DYNC1H1: variants seen among roughly 807,000 people sequenced by gnomAD.
DYNC1H1 encodes the protein cytoplasmic dynein 1 heavy chain 1.
Under a neutral mutation model 527.1 loss-of-function variants are expected in DYNC1H1, and 51 were observed. That is an observed-to-expected ratio of 0.10 (90% confidence interval 0.08 to 0.12). The LOEUF (loss-of-function observed/expected upper bound fraction) is 0.12, where lower values mean the gene tolerates loss of function less well. Ranked by LOEUF, DYNC1H1 falls within the 10% of genes least tolerant of loss-of-function variation. DYNC1H1 has a pLI of 1.00. For missense variants in DYNC1H1, 2,771 were observed against 5,971.8 expected, an observed-to-expected ratio of 0.46 and a Z score of 17.66; for synonymous variants, 2,189 against 2,278.8, an observed-to-expected ratio of 0.96 and a Z score of 1.12.
chr14:101,986,463 A>C lies in DYNC1H1; in HGVS notation c.2238A>C (p.Leu746=). 1 of 1,614,180 alleles carries C rather than the reference A, an allele frequency of 6.2e-7. No individual in the cohort carries two copies. The highest frequency in any genetic ancestry group is 1.1e-5 in the South Asian group (1 of 91,084). Residue 746 remains leucine (L), a synonymous_variant, in exon 8 of 78, where the codon CTA becomes CTC. Coordinates refer to ENST00000360184, the MANE Select transcript of DYNC1H1 (RefSeq NM_001376.5). This position sits in a 1 kb window ranked among gnomAD's most constrained non-coding sequence, Gnocchi z 8.7. ...KVNFLPEIIT[L]SKEVRNLKWL... ...ACTTTCTTCCTGAGATTATCACACT[A>C]TCCAAAGAAGTCCGGAACCTCAAAT...
Position 102,041,451 on chromosome 14 carries a change from G to A in DYNC1H1, c.11942-123G>A. 5 of 1,513,182 alleles carry A rather than the reference G, an allele frequency of 3.3e-6. No homozygotes were observed. The South Asian group carries it at 5.7e-5, about 17-fold the overall frequency. 93.7% of individuals were successfully genotyped at this position (1,513,182 alleles called of 1,614,324 possible). On this transcript the variant is annotated intron_variant, in intron 64 of 77. Transcript: ENST00000360184. The surrounding 1 kb of genome is among the most constrained non-coding windows in gnomAD (Gnocchi z 4.5). The stretch of plus-strand genomic sequence containing the variant: ...CAGATGTGGCTGAATTTCCTGATTT[G>A]AGCTGATCCTGAAATGCTGAGCATT...
intron 10 of DYNC1H1, among the ~76,000 whole-genome samples, chr14:101,989,415 G>A (rs576524088): frequency 1.3e-5 from 2 of 152,148 alleles, no homozygotes; most frequent in East Asian, 1.9e-4. Context: ...TGTGCCTCCC[G>A]AGCCATCTCT....
rs2048824383 is a variant in DYNC1H1 at position 102,052,434 on chromosome 14, C to G, written c.*1871C>G. ...AAGTGTGAGCCACCACACCCAGCCCCTAAAAACATTTATGTGCATCGACAT... is the reference window on the plus strand; with the variant it reads ...AAGTGTGAGCCACCACACCCAGCCCGTAAAAACATTTATGTGCATCGACAT... On this transcript the variant is annotated 3_prime_UTR_variant, in exon 78 of 78. Coordinates refer to ENST00000360184, the MANE Select transcript of DYNC1H1 (RefSeq NM_001376.5). 6.6e-6 allele frequency: 1 copy of G among 152,322 alleles called. No homozygotes were observed. Among genetic ancestry groups the G allele is most frequent in the Admixed American group, 6.5e-5 (1 of 15,270 alleles). The allele number at this position is 152,322 out of a possible 1,614,324, so 9.4% of individuals were successfully genotyped here. A position where few individuals can be genotyped will look rare whatever the true frequency, so the allele number is the denominator to read the frequency against.
In DYNC1H1 at chr14:101,988,580, A is replaced by G. The variant is rs147182117; in HGVS notation, c.2719-123A>G. The G allele has an allele frequency of 8.0e-5, 100 of 1,255,172 alleles. No homozygotes were observed. The African/African-American group carries it at 1.4e-3, about 17-fold the overall frequency. The allele number at this position is 1,255,172 out of a possible 1,614,324, so 77.8% of individuals were successfully genotyped here. A position where few individuals can be genotyped will look rare whatever the true frequency, so the allele number is the denominator to read the frequency against. ...AAAGTGAGATTCTGAGAAGAGAGATATGAAGGCTTCTAGTCCGGAACTGTG... is the reference window on the plus strand; with the variant it reads ...AAAGTGAGATTCTGAGAAGAGAGATGTGAAGGCTTCTAGTCCGGAACTGTG... On this transcript the variant is annotated intron_variant, in intron 9 of 77. Transcript: ENST00000360184.
chr14:101,970,722 A>G (rs2141263356), intron 1 of DYNC1H1, among the ~76,000 whole-genome samples: 1 of 152,064 alleles, frequency 6.6e-6, no homozygotes, highest in Admixed American at 6.6e-5. Context: ...ACCTCAGGTG[A>G]TCCGCCCGCC....
At position 102,042,021 on chromosome 14, in the gene DYNC1H1, C is replaced by T; in HGVS notation, c.12111C>T (p.Pro4037=). Residue 4037 remains proline (P), a synonymous_variant, in exon 66 of 78, where the codon CCC becomes CCT. Coordinates refer to ENST00000360184, the MANE Select transcript of DYNC1H1 (RefSeq NM_001376.5). The surrounding 1 kb of genome is among the most constrained non-coding windows in gnomAD (Gnocchi z 5.7). ...LTHIVGTEVK[P]NTPVLMCSVP... is the part of the protein sequence containing the mutation. The stretch of plus-strand genomic sequence containing the variant: ...GCCTTCTTTGTTTGCAGGTGAAGCC[C>T]AACACTCCTGTCTTAATGTGCTCTG... The T allele has an allele frequency of 6.2e-7, 1 of 1,614,078 alleles. No homozygotes were observed. Among genetic ancestry groups the T allele is most frequent in the African/African-American group, 1.3e-5 (1 of 75,018 alleles).
At chr14:101,981,964 TATAGAAC>T (rs2047870546) in intron 5 of DYNC1H1, among the ~76,000 whole-genome samples, 4 of 152,286 alleles carry the variant, frequency 2.6e-5, no homozygotes, top group African/African-American at 9.6e-5. Flanking sequence ...GTTAAAATAA[TATAGAAC>T]AGGGGTCCCC....
At chr14:101,970,527 G>GGCT (rs71116868) in intron 1 of DYNC1H1, among the ~76,000 whole-genome samples, 25,640 of 128,252 alleles carry the variant, frequency 0.2, 3,240 homozygotes, top group African/African-American at 0.38. Flanking sequence ...CTGTCACCCA[G>GGCT]GCTGGAGTGC....
chr14:101,984,230 TC>T (rs1447585830), intron 7 of DYNC1H1, among the ~76,000 whole-genome samples: 3 of 151,770 alleles, frequency 2.0e-5, no homozygotes, highest in Admixed American at 2.0e-4. Flanking sequence ...GCTCAAATGA[TC>T]CGCCCACCTC....
Position 101,983,318 on chromosome 14 carries a change from C to A in DYNC1H1, c.1233+28C>A, listed in dbSNP as rs2047889960. On this transcript the variant is annotated intron_variant, in intron 6 of 77. Coordinates refer to ENST00000360184, the MANE Select transcript of DYNC1H1 (RefSeq NM_001376.5). This position sits in a 1 kb window ranked among gnomAD's most constrained non-coding sequence, Gnocchi z 5.3. ...AAGTTTGAATATATAAGACAACCAA[C>A]CTCAAGACATTGAGATGAAAATATG... 1 of 1,614,010 alleles carries A rather than the reference C, an allele frequency of 6.2e-7. No individual in the cohort carries two copies. Among genetic ancestry groups the A allele is most frequent in the Non-Finnish European group, 8.5e-7 (1 of 1,179,980 alleles).
intron 57 of DYNC1H1, chr14:102,037,039 G>A (rs2048583774): frequency 6.1e-6 from 2 of 327,100 alleles, no homozygotes; most frequent in South Asian, 2.6e-5. Context: ...GGAGGTTGCA[G>A]TGAGCCGAGA....
rs753917909 is a variant in DYNC1H1 at position 102,008,346 on chromosome 14, C to T, written c.5977+9C>T. ...CCCCAACTACGACAAGAGTAAGACA[C>T]CTCTTCTTCAAAAATTACTTAGAGA... On this transcript the variant is annotated intron_variant, in intron 29 of 77. Transcript: ENST00000360184. 2.5e-6 allele frequency: 4 copies of T among 1,614,044 alleles called. No homozygotes were observed. The highest frequency in any genetic ancestry group is 1.3e-5 in the African/African-American group (1 of 75,042).
At position 102,056,110 on chromosome 14, in the gene DYNC1H1, G is replaced by C. The variant is rs558242696; in HGVS notation, c.*5547G>C. 1.3e-5 allele frequency: 2 copies of C among 152,160 alleles called. No homozygotes were observed. The highest frequency in any genetic ancestry group is 4.8e-5 in the African/African-American group (2 of 41,424). The allele number at this position is 152,160 out of a possible 1,614,324, so 9.4% of individuals were successfully genotyped here. A position where few individuals can be genotyped will look rare whatever the true frequency, so the allele number is the denominator to read the frequency against. On this transcript the variant is annotated 3_prime_UTR_variant, in exon 78 of 78. Transcript: ENST00000360184. ...TGAAATCAAAGACAGGCAGCCCGGC[G>C]CCAGGCCCAAAACCAGGCCTGGGCC...
At position 102,018,346 on chromosome 14, in the gene DYNC1H1, G is replaced by A. The variant is rs961339749; in HGVS notation, c.8178-105G>A. 3 of 1,505,776 alleles carry A rather than the reference G, an allele frequency of 2.0e-6. No homozygotes were observed. The highest frequency in any genetic ancestry group is 2.7e-6 in the Non-Finnish European group (3 of 1,119,714). 93.3% of individuals were successfully genotyped at this position (1,505,776 alleles called of 1,614,324 possible). On this transcript the variant is annotated intron_variant, in intron 40 of 77. Transcript: ENST00000360184. This position sits in a 1 kb window ranked among gnomAD's most constrained non-coding sequence, Gnocchi z 5.2. ...CAAGTCTGCATAGCTGGGTTAGGAA[G>A]CGACCTCCAGACAGGGCCCTGGACA...
chr14:102,043,705 A>G (rs890074444), intron 69 of DYNC1H1, 170 bp from the exon 70 acceptor site: 7 of 775,642 alleles, frequency 9.0e-6, no homozygotes, highest in Non-Finnish European at 1.5e-5. Flanking sequence ...CACGTCTATT[A>G]ATAGAAAAGT....
At chr14:101,980,985 A>G (rs1566996902) in intron 5 of DYNC1H1, among the ~76,000 whole-genome samples, 1 of 152,136 alleles carries the variant, frequency 6.6e-6, no homozygotes, top group African/African-American at 2.4e-5. Context: ...TCCTCTTTTT[A>G]CTTGCCCCTT....
Position 101,997,146 on chromosome 14 carries a change from C to A in DYNC1H1, c.3676C>A (p.Arg1226=), listed in dbSNP as rs1000725714. The part of the protein sequence containing the change: ...GEWGAFNDIM[R]RKDSAIQQQV... ...GTGGGGAGCCTTCAATGACATCATGCGGCGAAAGGACTCTGCCATTCAGCA... is the reference window on the plus strand; with the variant it reads ...GTGGGGAGCCTTCAATGACATCATGAGGCGAAAGGACTCTGCCATTCAGCA... Residue 1226 remains arginine, a synonymous_variant, in exon 16 of 78, where the codon CGG becomes AGG. Coordinates refer to ENST00000360184, the MANE Select transcript of DYNC1H1 (RefSeq NM_001376.5). The surrounding 1 kb of genome is among the most constrained non-coding windows in gnomAD (Gnocchi z 4.8). 3 of 1,613,996 alleles carry A rather than the reference C, an allele frequency of 1.9e-6. No homozygotes were observed. Among genetic ancestry groups the A allele is most frequent in the African/African-American group, 2.7e-5 (2 of 74,908 alleles).
chr14:102,030,150 C>T lies in DYNC1H1; in HGVS notation c.9763-12C>T, dbSNP rs760904410. 1 of 1,613,994 alleles carries T rather than the reference C, an allele frequency of 6.2e-7. No homozygotes were observed. Reference sequence around the variant, plus strand: ...ATGCTTAACCCATACCTAAGCCATCCCTCCTTTCTAGGTTATGAGCCAAGA... The same window carrying T: ...ATGCTTAACCCATACCTAAGCCATCTCTCCTTTCTAGGTTATGAGCCAAGA... On this transcript the variant is annotated splice_polypyrimidine_tract_variant and intron_variant, in intron 50 of 77. Coordinates refer to ENST00000360184, the MANE Select transcript of DYNC1H1 (RefSeq NM_001376.5).
At chr14:101,982,062 A>G (rs1189476581) in intron 5 of DYNC1H1, among the ~76,000 whole-genome samples, 2 of 152,174 alleles carry the variant, frequency 1.3e-5, no homozygotes, top group Non-Finnish European at 2.9e-5. Flanking sequence ...AGTGAGCATT[A>G]CTGCCTGAGC....
Sources: gnomAD v4.1 joint callset for allele counts (sites outside exome capture counted in the v4.1 genomes callset) on GRCh38, gnomAD v4.1.1 for gene constraint, Gnocchi (gnomAD v3.1) non-coding constraint, MANE v1.5 for transcripts, NCBI Gene and HGNC (gene_info 2026-07-23, HGNC 2026-07-21) for gene names.